MAP4K1: variants seen among roughly 807,000 people sequenced by gnomAD.
MAP4K1 encodes the protein MAPK/ERK kinase kinase kinase 1.
Under a neutral mutation model 122.8 loss-of-function variants are expected in MAP4K1, and 35 were observed. The observed-to-expected ratio is 0.29, with a 90% confidence interval of 0.22 to 0.38. The LOEUF is 0.38. Ranked by LOEUF, MAP4K1 falls within the 10% of genes least tolerant of loss-of-function variation. The pLI, the probability that MAP4K1 is intolerant of heterozygous loss-of-function variation, is 1.00. For synonymous variants in MAP4K1, 412 were observed against 421.3 expected (o/e 0.98, Z 0.27); for missense variants, 791 against 1,072.6 (o/e 0.74, Z 3.67).
At position 38,611,230 on chromosome 19, in the gene MAP4K1, T is replaced by C. The variant is rs2287732; in HGVS notation, c.728+13A>G. The C allele has an allele frequency of 0.17, 266,783 of 1,608,652 alleles. 28,419 individuals carry two copies. Among genetic ancestry groups the C allele is most frequent in the Admixed American group, 0.38 (22,584 of 59,878 alleles). ...TGCCCTCTCTCACCCTCCCTCCTGT[T>C]ACTCTCTCGTACCATTTGCCTTTTT... On this transcript the variant is annotated intron_variant, in intron 10 of 30. Coordinates refer to ENST00000396857, the MANE Select transcript of MAP4K1 (RefSeq NM_001042600.3).
chr19:38,588,303 A>C (rs1056892697), intron 30 of MAP4K1, among the ~76,000 whole-genome samples: 1 of 152,118 alleles, frequency 6.6e-6, no homozygotes, highest in Non-Finnish European at 1.5e-5. Context: ...TCAGATTTGG[A>C]TTTAAAGTGA....
intron 19 of MAP4K1, among the ~76,000 whole-genome samples, chr19:38,604,307 C>T (rs1003939720): frequency 6.6e-6 from 1 of 152,004 alleles, no homozygotes. Context: ...TTTTGTACAT[C>T]TCCATTTATG....
At chr19:38,595,581 C>T (rs1278465740) in intron 28 of MAP4K1, 26 bp from the exon 29 acceptor site, 9 of 1,614,070 alleles carry the variant, frequency 5.6e-6, no homozygotes, top group Middle Eastern at 1.6e-4. Context: ...TGCCCGTTAC[C>T]CTTGGGGATC....
intron 17 of MAP4K1, 27 bp downstream of exon 17, chr19:38,606,145 GC>G: frequency 6.4e-7 from 1 of 1,570,390 alleles, no homozygotes; most frequent in Non-Finnish European, 8.6e-7. Flanking sequence ...TGAGGCCCCA[GC>G]CTCCCAGCTC....
chr19:38,602,785 C>A (rs558510406), intron 19 of MAP4K1, among the ~76,000 whole-genome samples: 65 of 140,102 alleles, frequency 4.6e-4, no homozygotes, highest in African/African-American at 1.7e-3. Context: ...TACACATATA[C>A]ATATATACAC....
chr19:38,608,258 G>T (rs1347052261), intron 13 of MAP4K1, 88 bp from the exon 14 acceptor site: 3 of 566,596 alleles, frequency 5.3e-6, no homozygotes, highest in South Asian at 2.8e-5. Flanking sequence ...TAGAATTGGC[G>T]GGGGGGTTGC....
intron 30 of MAP4K1, chr19:38,589,407 C>T (rs922469251): frequency 1.9e-5 from 3 of 161,620 alleles, no homozygotes; most frequent in African/African-American, 7.2e-5. Flanking sequence ...GTGAATCTCC[C>T]CAAAAGATAC....
At chr19:38,599,368 A>C (rs1274894173) in intron 22 of MAP4K1, among the ~76,000 whole-genome samples, 2 of 145,368 alleles carry the variant, frequency 1.4e-5, no homozygotes, top group African/African-American at 5.1e-5. Flanking sequence ...AAAAAAAAAA[A>C]GGCTAATCTA....
chr19:38,594,571 C>CA (rs1047780189), intron 29 of MAP4K1, among the ~76,000 whole-genome samples: 3 of 151,924 alleles, frequency 2.0e-5, no homozygotes, highest in Admixed American at 6.6e-5. Flanking sequence ...ACCCAGGAGG[C>CA]AGAGGTTGCA....
intron 19 of MAP4K1, among the ~76,000 whole-genome samples, chr19:38,603,180 A>G (rs183284223): frequency 6.7e-6 from 1 of 149,918 alleles, no homozygotes; most frequent in African/African-American, 2.4e-5. Context: ...ACACATGTAC[A>G]TATATACGCA....
chr19:38,602,700 A>G (rs1221567306), intron 19 of MAP4K1, among the ~76,000 whole-genome samples: 7 of 147,878 alleles, frequency 4.7e-5, no homozygotes, highest in Non-Finnish European at 4.5e-5. Flanking sequence ...ATACACACAT[A>G]TACATGTATA....
intron 26 of MAP4K1, 100 bp downstream of exon 26, chr19:38,596,212 C>G: frequency 6.9e-7 from 1 of 1,444,526 alleles, no homozygotes; most frequent in Admixed American, 2.3e-5. Context: ...CCAGCCCTTT[C>G]TCAGTCCCGT....
At chr19:38,612,555 G>C (rs1364445439) in intron 9 of MAP4K1, 56 bp downstream of exon 9, 1 of 1,540,458 alleles carries the variant, frequency 6.5e-7, no homozygotes, top group Non-Finnish European at 8.8e-7. Context: ...CTGAGGGTGG[G>C]CTTTGGGCCA....
intron 29 of MAP4K1, 144 bp from the exon 30 acceptor site, chr19:38,593,481 T>C (rs1974787789): frequency 3.6e-6 from 2 of 557,170 alleles, no homozygotes; most frequent in South Asian, 2.1e-5. Context: ...AGTGGGTGGA[T>C]CACCTGAGGT....
At position 38,605,480 on chromosome 19, in the gene MAP4K1, A is replaced by C. The variant is rs760633363; in HGVS notation, c.1375T>G (p.Trp459Gly). 4 of 1,591,582 alleles carry C rather than the reference A, an allele frequency of 2.5e-6. No individual in the cohort carries two copies. The highest frequency in any genetic ancestry group is 2.1e-4 in the Middle Eastern group (1 of 4,726). Reference protein sequence around the residue: ...HLTAHSEPSLWNPPSRELDKP... With the variant: ...HLTAHSEPSLGNPPSRELDKP... ...TCAAGCTCCCGGGAGGGTGGGTTCCAGAGTGAGGGTTCTGAGAGGGGTTAG... is the reference window on the plus strand; with the variant it reads ...TCAAGCTCCCGGGAGGGTGGGTTCCCGAGTGAGGGTTCTGAGAGGGGTTAG... The change falls in exon 19 of 31, where the codon TGG becomes GGG. Residue 459 changes from tryptophan to glycine, a missense_variant. Trp to Gly is a radical substitution (Grantham distance 184). This residue lies in a region of MAP4K1 where 303 missense variants were observed against 344.8 expected (regional missense o/e 0.88). Transcript: ENST00000396857.
intron 3 of MAP4K1, among the ~76,000 whole-genome samples, chr19:38,616,800 T>C (rs1975659416): frequency 6.6e-6 from 1 of 152,082 alleles, no homozygotes; most frequent in South Asian, 2.1e-4. Context: ...TGGTCAGAAA[T>C]GGGAATTTTA....
At chr19:38,605,788 C>G (rs1203372039) in intron 17 of MAP4K1, 58 bp from the exon 18 acceptor site, 1 of 1,520,602 alleles carries the variant, frequency 6.6e-7, no homozygotes, top group Non-Finnish European at 8.9e-7. Context: ...GAGAGGGCAC[C>G]CTTTTGCAAC....
rs1181036951 is a variant in MAP4K1 at position 38,602,791 on chromosome 19, TAC to T, written c.1447-1268_1447-1267del. ...ATACATATATACACATATACATATA[TAC>T]ACACATACATATATACATATATACA... On this transcript the variant is annotated intron_variant, in intron 19 of 30. Transcript: ENST00000396857. Among the ~76,000 whole-genome samples, 31 of 138,678 alleles carry T rather than the reference TAC, an allele frequency of 2.2e-4. 1 individual carries two copies. Among genetic ancestry groups the T allele is most frequent in the African/African-American group, 4.7e-4 (18 of 38,002 alleles). The allele number at this position is 138,678 out of a possible 152,430, so 91.0% of individuals were successfully genotyped here. A position where few individuals can be genotyped will look rare whatever the true frequency, so the allele number is the denominator to read the frequency against.
intron 13 of MAP4K1, among the ~76,000 whole-genome samples, chr19:38,608,654 G>T (rs188277120): frequency 6.6e-6 from 1 of 151,790 alleles, no homozygotes; most frequent in Admixed American, 6.6e-5. Flanking sequence ...ACAAAAATTA[G>T]CCGGGCATGG....
Sources: gnomAD v4.1 joint callset for allele counts (sites outside exome capture counted in the v4.1 genomes callset) on GRCh38, gnomAD v4.1.1 for gene constraint, gnomAD v4.1.1 regional missense constraint, MANE v1.5 for transcripts, NCBI Gene and HGNC (gene_info 2026-07-23, HGNC 2026-07-21) for gene names.